FAT4: variants seen among roughly 807,000 people sequenced by gnomAD.
FAT4 encodes protocadherin Fat 4.
A neutral mutation model predicts 303.9 loss-of-function variants in FAT4; 84 were observed. That is an observed-to-expected ratio of 0.28 (90% confidence interval 0.23 to 0.33). The LOEUF (loss-of-function observed/expected upper bound fraction) is 0.33, where lower values mean the gene tolerates loss of function less well. Ranked by LOEUF, FAT4 falls within the 10% of genes least tolerant of loss-of-function variation. FAT4 has a pLI of 1.00. For synonymous variants in FAT4, 2,307 were observed against 2,298.8 expected (o/e 1.00, Z -0.10); for missense variants, 6,005 against 6,146.8 (o/e 0.98, Z 0.77).
At chr4:125,349,277 A>G (rs1202899159) in intron 2 of FAT4, among the ~76,000 whole-genome samples, 1 of 151,800 alleles carries the variant, frequency 6.6e-6, no homozygotes, top group African/African-American at 2.4e-5. Flanking sequence ...AAAGTAATGC[A>G]TTATTCAGCA....
Position 125,415,325 on chromosome 4 carries a change from C to T in FAT4, c.6362C>T (p.Thr2121Ile). Residue 2121 changes from threonine (T) to isoleucine (I), a missense_variant, in exon 6 of 18, where the codon ACT becomes ATT. Transcript: ENST00000394329. ...GACAGAGAAGAAGTTTCTAATTATA[C>T]TCTAACAGTGGTGGCTACAGACAAA... is the stretch of plus-strand genomic sequence containing the variant. ...ELDREEVSNY[T>I]LTVVATDKGQ... is the part of the protein sequence containing the mutation. 1 of 1,614,002 alleles carries T rather than the reference C, an allele frequency of 6.2e-7. No individual in the cohort carries two copies. Among genetic ancestry groups the T allele is most frequent in the African/African-American group, 1.3e-5 (1 of 75,030 alleles).
In FAT4 at chr4:125,487,508, A is replaced by G. The variant is rs114234553; in HGVS notation, c.12986A>G (p.Asp4329Gly). ...TCTGTTGACAGAATATATAACAGAG[A>G]TATTATCCACCCTACTCAGGACTTC... ...VLSVDRIYNRDIIHPTQDFGG... is the reference protein window; with the variant it reads ...VLSVDRIYNRGIIHPTQDFGG... Residue 4329 changes from aspartate (D) to glycine (G), a missense_variant, in exon 17 of 18, where the codon GAT becomes GGT. Coordinates refer to ENST00000394329, the MANE Select transcript of FAT4 (RefSeq NM_001291303.3). 1,417 of 1,614,044 alleles carry G rather than the reference A, an allele frequency of 8.8e-4. 13 individuals are homozygous for G. In the African/African-American group the frequency reaches 0.017, roughly 19 times the overall value.
chr4:125,451,831 A>G lies in FAT4; in HGVS notation c.10821A>G (p.Ile3607Met). The change falls in exon 10 of 18, where the codon ATA (isoleucine) becomes ATG (methionine). Residue 3607 changes from isoleucine to methionine, a missense_variant. Coordinates refer to ENST00000394329, the MANE Select transcript of FAT4 (RefSeq NM_001291303.3). ...SSTGTVHITV[I>M]DQNDNPSQSR... ...CAGGAACTGTGCATATCACAGTTAT[A>G]GACCAAAATGACAATCCTTCACAGT... The G allele has an allele frequency of 6.2e-7, 1 of 1,614,190 alleles. No individual in the cohort carries two copies. The highest frequency in any genetic ancestry group is 8.5e-7 in the Non-Finnish European group (1 of 1,180,030).
chr4:125,472,916 A>T (rs1289209253), intron 12 of FAT4, among the ~76,000 whole-genome samples: 1 of 152,154 alleles, frequency 6.6e-6, no homozygotes, highest in East Asian at 1.9e-4. Flanking sequence ...TTGGTGAGAA[A>T]ACAACAGAAG....
chr4:125,410,429 A>G (rs1464132175), intron 5 of FAT4, among the ~76,000 whole-genome samples: 1 of 152,262 alleles, frequency 6.6e-6, no homozygotes, highest in Admixed American at 6.5e-5. Flanking sequence ...AGATATCTGT[A>G]TATAATTGAG....
At chr4:125,328,654 T>A (rs1233001500) in intron 2 of FAT4, among the ~76,000 whole-genome samples, 1 of 152,214 alleles carries the variant, frequency 6.6e-6, no homozygotes, top group Non-Finnish European at 1.5e-5. Flanking sequence ...CATATATAAA[T>A]CGTTTATGTT....
Position 125,315,398 on chromosome 4 carries a change from AGGGGCGAGGCGCGCTAGAGT to A in FAT4, c.-588_-569del, listed in dbSNP as rs1730534018. The stretch of plus-strand genomic sequence containing the variant: ...CAATAAAAGCAGAGATAGCGAGGGC[AGGGGCGAGGCGCGCTAGAGT>A]GGGCTTCTGACTGGGGCCGCCGGAG... On this transcript the variant is annotated 5_prime_UTR_variant, in exon 1 of 18. Coordinates refer to ENST00000394329, the MANE Select transcript of FAT4 (RefSeq NM_001291303.3). Among the ~76,000 whole-genome samples, 1 of 152,096 alleles carries A rather than the reference AGGGGCGAGGCGCGCTAGAGT, an allele frequency of 6.6e-6. No homozygotes were observed. The highest frequency in any genetic ancestry group is 2.4e-5 in the African/African-American group (1 of 41,426).
Position 125,468,721 on chromosome 4 carries a change from T to G in FAT4, c.12115T>G (p.Phe4039Val), listed in dbSNP as rs775446398. The change falls in exon 12 of 18, where the codon TTC becomes GTC. Residue 4039 changes from phenylalanine (F) to valine (V), a missense_variant. By Grantham distance (50) the Phe-to-Val change is conservative. Coordinates refer to ENST00000394329, the MANE Select transcript of FAT4 (RefSeq NM_001291303.3). ...TGAAATTGCCGAAGAAAGACTAAGATTCTCTTATAATTTAGGCAGTGGTAC... is the reference window on the plus strand; with the variant it reads ...TGAAATTGCCGAAGAAAGACTAAGAGTCTCTTATAATTTAGGCAGTGGTAC... ...ALEIAEERLR[F>V]SYNLGSGTYK... The G allele has an allele frequency of 4.3e-6, 7 of 1,614,120 alleles. No homozygotes were observed. In the Admixed American group the frequency reaches 6.7e-5, roughly 15 times the overall value.
At chr4:125,376,373 A>C (rs1000147150) in intron 2 of FAT4, among the ~76,000 whole-genome samples, 1 of 152,136 alleles carries the variant, frequency 6.6e-6, no homozygotes, top group African/African-American at 2.4e-5. Flanking sequence ...TGAAAAAACT[A>C]TTTGAACAAT....
chr4:125,457,152 CACA>C (rs752689569), intron 10 of FAT4, among the ~76,000 whole-genome samples: 2,295 of 136,986 alleles, frequency 0.017, 70 homozygotes, highest in East Asian at 0.085. Flanking sequence ...CACACACACA[CACA>C]CCACTGAGTA....
chr4:125,324,700 A>G (rs1204318990), intron 2 of FAT4, among the ~76,000 whole-genome samples: 1 of 152,150 alleles, frequency 6.6e-6, no homozygotes, highest in Non-Finnish European at 1.5e-5. Context: ...TCACCAGGCC[A>G]TAGTTCCCAA....
At chr4:125,344,747 T>G (rs1206028473) in intron 2 of FAT4, among the ~76,000 whole-genome samples, 12 of 152,046 alleles carry the variant, frequency 7.9e-5, no homozygotes, top group African/African-American at 2.9e-4. Context: ...AGTTCCACCA[T>G]TTTTATTCAC....
intron 2 of FAT4, among the ~76,000 whole-genome samples, chr4:125,349,168 T>C (rs1732124492): frequency 6.6e-6 from 1 of 151,794 alleles, no homozygotes; most frequent in Admixed American, 6.6e-5. Flanking sequence ...TGAAGTTTAT[T>C]AAATGATGTA....
intron 3 of FAT4, among the ~76,000 whole-genome samples, chr4:125,403,139 T>A (rs763387090): frequency 6.6e-6 from 1 of 152,126 alleles, no homozygotes; most frequent in Non-Finnish European, 1.5e-5. Flanking sequence ...ATCATTTTCC[T>A]GTGCTTACTA....
rs1421263348 is a variant in FAT4, at chr4:125,319,021, G to A, written c.2610G>A (p.Gly870=). 10 of 1,614,024 alleles carry A rather than the reference G, an allele frequency of 6.2e-6. No homozygotes were observed. The highest frequency in any genetic ancestry group is 8.5e-6 in the Non-Finnish European group (10 of 1,180,044). The change falls in exon 2 of 18, where the codon GGG becomes GGA. Residue 870 remains glycine, a synonymous_variant. Transcript: ENST00000394329. The part of the protein sequence containing the change: ...SFYQLKVVAS[G]GTVTGDTMVN... ...ATCAGCTGAAGGTAGTGGCCAGTGG[G>A]GGCACAGTGACTGGAGACACTATGG...
chr4:125,443,676 G>A lies in FAT4; in HGVS notation c.7200-2617G>A, dbSNP rs113425035. On this transcript the variant is annotated intron_variant, in intron 8 of 17. Coordinates refer to ENST00000394329, the MANE Select transcript of FAT4 (RefSeq NM_001291303.3). ...TTGACATGCACTAAGAAATCAATAA[G>A]CTCCTGGAAATATTTAAGTAACAGC... is the stretch of plus-strand genomic sequence containing the variant. 2.0e-3 allele frequency among the ~76,000 whole-genome samples: 301 copies of A among 152,178 alleles called. 2 individuals are homozygous for A. The highest frequency in any genetic ancestry group is 6.8e-3 in the African/African-American group (281 of 41,540).
At chr4:125,384,457 T>C (rs1202627736) in intron 2 of FAT4, among the ~76,000 whole-genome samples, 1 of 152,224 alleles carries the variant, frequency 6.6e-6, no homozygotes, top group African/African-American at 2.4e-5. Flanking sequence ...TCTTACATTT[T>C]CTTTGGAGGA....
intron 11 of FAT4, among the ~76,000 whole-genome samples, chr4:125,467,823 A>C (rs1726718555): frequency 6.6e-6 from 1 of 152,198 alleles, no homozygotes; most frequent in African/African-American, 2.4e-5. Context: ...TATATTATGA[A>C]GGAAGTATGT....
At chr4:125,448,296 A>T (rs1725898406) in intron 9 of FAT4, among the ~76,000 whole-genome samples, 165 bp from the exon 10 acceptor site, 1 of 152,128 alleles carries the variant, frequency 6.6e-6, no homozygotes, top group Admixed American at 6.6e-5. Context: ...AGCAGATTTG[A>T]CTTGTGAACC....
Sources: gnomAD v4.1 joint callset for allele counts (sites outside exome capture counted in the v4.1 genomes callset) on GRCh38, gnomAD v4.1.1 for gene constraint, MANE v1.5 for transcripts, NCBI Gene and HGNC (gene_info 2026-07-23, HGNC 2026-07-21) for gene names.